The following ADSL variants were observed in gnomAD, a reference collection of about 807,000 sequenced individuals.
ADSL encodes the protein adenylosuccinate lyase, also known as adenylosuccinase.
Under a neutral mutation model 62.1 loss-of-function variants are expected in ADSL, and 44 were observed. The ratio of observed to expected loss-of-function variants is 0.71; its 90% CI spans 0.56 to 0.91. The LOEUF is 0.91. ADSL is among the 40% of genes least tolerant of loss of function. ADSL has a pLI of 0.00. For synonymous variants in ADSL, 198 were observed against 220.5 expected, an observed-to-expected ratio of 0.90 and a Z score of 0.90; for missense variants, 531 against 627.4, an observed-to-expected ratio of 0.85 and a Z score of 1.64.
rs1022948971 is a variant in ADSL at position 40,366,809 on chromosome 22, A to C, written c.*287A>C. 16 of 377,004 alleles carry C rather than the reference A, an allele frequency of 4.2e-5. No individual in the cohort carries two copies. In the Admixed American group the frequency reaches 6.7e-4, roughly 16 times the overall value. The allele number at this position is 377,004 out of a possible 1,614,324, so 23.4% of individuals were successfully genotyped here. ...CAAGTTTAGTCCTTTTCACGTGTTC[A>C]TTTGCTTGTAAAGTAGCAAGAAATT... On this transcript the variant is annotated 3_prime_UTR_variant, in exon 13 of 13. Transcript: ENST00000623063.
intron 4 of ADSL, among the ~76,000 whole-genome samples, chr22:40,357,516 G>GTGCTGGAATTACAGGCA (rs1458504774): frequency 1.3e-5 from 2 of 152,134 alleles, no homozygotes; most frequent in Non-Finnish European, 2.9e-5. Flanking sequence ...GCCTCCCAAA[G>GTGCTGGAATTACAGGCA]TGCTGGAATT....
intron 4 of ADSL, 56 bp from the exon 5 acceptor site, chr22:40,358,808 C>T (rs1569096353): frequency 1.3e-6 from 2 of 1,568,438 alleles, no homozygotes; most frequent in South Asian, 1.1e-5. Context: ...GCAATGAAAC[C>T]TTGATGATTT....
intron 2 of ADSL, among the ~76,000 whole-genome samples, chr22:40,384,834 T>C (rs916507784): frequency 3.3e-5 from 5 of 152,212 alleles, no homozygotes; most frequent in Non-Finnish European, 7.3e-5. Context: ...CAAATGAAGC[T>C]ATCCAACAAT....
intron 1 of ADSL, chr22:40,347,394 G>A (rs1601545304): frequency 6.6e-6 from 1 of 152,220 alleles, no homozygotes; most frequent in African/African-American, 2.4e-5. Flanking sequence ...CTTTTCTAAG[G>A]GCTGCATAGA....
intron 2 of ADSL, among the ~76,000 whole-genome samples, chr22:40,375,311 G>A (rs2046364925): frequency 6.6e-6 from 1 of 152,186 alleles, no homozygotes; most frequent in Non-Finnish European, 1.5e-5. Context: ...CGGTTGTGGT[G>A]GCTCACGCCT....
At chr22:40,376,822 T>C (rs576930542) in intron 2 of ADSL, among the ~76,000 whole-genome samples, 1 of 152,276 alleles carries the variant, frequency 6.6e-6, no homozygotes, top group African/African-American at 2.4e-5. Flanking sequence ...AATAGAGTAG[T>C]TTTGAAGATT....
At chr22:40,353,148 C>T (rs761157290) in intron 3 of ADSL, 31 bp downstream of exon 3, 5 of 1,575,130 alleles carry the variant, frequency 3.2e-6, no homozygotes, top group Non-Finnish European at 4.4e-6. Flanking sequence ...TCCTACCAAC[C>T]CTAGATTCCC....
chr22:40,360,911 G>C (rs952321740), intron 7 of ADSL, among the ~76,000 whole-genome samples: 8 of 152,000 alleles, frequency 5.3e-5, no homozygotes, highest in African/African-American at 9.7e-5. Context: ...ATGTTGGCCA[G>C]GCTGGTCTCG....
rs1190179158 is a variant in ADSL at position 40,368,021 on chromosome 22, C to G, written c.*1499C>G. On this transcript the variant is annotated 3_prime_UTR_variant, in exon 13 of 13. Coordinates refer to ENST00000623063, the MANE Select transcript of ADSL (RefSeq NM_000026.4). ...TTACATTCAATTTTGGATACCCAGT[C>G]TGAGGAATAGAGATGAACTGGAGAG... 6.6e-6 allele frequency: 1 copy of G among 152,166 alleles called. No individual in the cohort carries two copies. Among genetic ancestry groups the G allele is most frequent in the Non-Finnish European group, 1.5e-5 (1 of 68,036 alleles). 9.4% of individuals were successfully genotyped at this position (152,166 alleles called of 1,614,324 possible).
chr22:40,356,689 T>A (rs1302285025), intron 4 of ADSL, among the ~76,000 whole-genome samples: 1 of 147,138 alleles, frequency 6.8e-6, no homozygotes, highest in Non-Finnish European at 1.5e-5. Flanking sequence ...TTAAAAAAAA[T>A]AAAGTTAGCC....
chr22:40,365,374 C>A, intron 12 of ADSL, among the ~76,000 whole-genome samples: 1 of 151,396 alleles, frequency 6.6e-6, no homozygotes, highest in East Asian at 1.9e-4. Context: ...TTGGAATTAT[C>A]TTTTGGTCTT....
chr22:40,370,542 G>A (rs2045193563), downstream of ADSL: 1 of 152,280 alleles, frequency 6.6e-6, no homozygotes, highest in South Asian at 2.1e-4. Flanking sequence ...TAGTGGGCGG[G>A]AACGACTACA....
intron 4 of ADSL, 58 bp downstream of exon 4, chr22:40,354,385 TTC>T: frequency 2.3e-6 from 3 of 1,321,902 alleles, no homozygotes; most frequent in Non-Finnish European, 3.3e-6. Flanking sequence ...GCTTCTTGAG[TTC>T]TCTGTTTTCC....
At position 40,359,246 on chromosome 22, in the gene ADSL, C is replaced by A. The variant is rs2044678141; in HGVS notation, c.655-14C>A. Reference sequence around the variant, plus strand: ...CACATGGATTATTATAAGGATGTGTCTTTTCTTTCCAAGGTAGAGCAGCTT... The same window carrying A: ...CACATGGATTATTATAAGGATGTGTATTTTCTTTCCAAGGTAGAGCAGCTT... On this transcript the variant is annotated splice_polypyrimidine_tract_variant and intron_variant, in intron 5 of 12. Transcript: ENST00000623063. 1.2e-6 allele frequency: 2 copies of A among 1,613,978 alleles called. No homozygotes were observed. Among genetic ancestry groups the A allele is most frequent in the Non-Finnish European group, 1.7e-6 (2 of 1,179,922 alleles).
rs1035961802 is a variant in ADSL, at chr22:40,366,965, C to G, written c.*443C>G. On this transcript the variant is annotated 3_prime_UTR_variant, in exon 13 of 13. Coordinates refer to ENST00000623063, the MANE Select transcript of ADSL (RefSeq NM_000026.4). ...CTAGTATAAGTGATGAAGTTTGGAACTACAGTAAATACTTAAAAAAAAAAA... is the reference window on the plus strand; with the variant it reads ...CTAGTATAAGTGATGAAGTTTGGAAGTACAGTAAATACTTAAAAAAAAAAA... The G allele has an allele frequency of 1.9e-5, 3 of 159,722 alleles. No homozygotes were observed. The highest frequency in any genetic ancestry group is 7.6e-5 in the African/African-American group (3 of 39,486). The allele number at this position is 159,722 out of a possible 1,614,324, so 9.9% of individuals were successfully genotyped here. A position where few individuals can be genotyped will look rare whatever the true frequency, so the allele number is the denominator to read the frequency against.
rs1339757222 is a variant in ADSL, at chr22:40,363,088, C to A, written c.1101+17C>A. ...TACCCCAAAGTAAGAAGCCTCAATTCAAAAGTAAAGTACTAGGGAGGGGTT... is the reference window on the plus strand; with the variant it reads ...TACCCCAAAGTAAGAAGCCTCAATTAAAAAGTAAAGTACTAGGGAGGGGTT... On this transcript the variant is annotated intron_variant, in intron 10 of 12. Coordinates refer to ENST00000623063, the MANE Select transcript of ADSL (RefSeq NM_000026.4). 1 of 1,608,572 alleles carries A rather than the reference C, an allele frequency of 6.2e-7. No individual in the cohort carries two copies.
intron 2 of ADSL, among the ~76,000 whole-genome samples, chr22:40,385,156 C>A (rs146454036): frequency 6.6e-6 from 1 of 152,256 alleles, no homozygotes; most frequent in African/African-American, 2.4e-5. Context: ...GAAATGAAGC[C>A]ATAGGAACTG....
chr22:40,350,110 G>C (rs924801225), intron 2 of ADSL, 75 bp downstream of exon 2: 2 of 1,355,854 alleles, frequency 1.5e-6, no homozygotes, highest in South Asian at 2.4e-5. Flanking sequence ...ATGTTGTCCA[G>C]TTGAGGAAGT....
chr22:40,362,125 A>G (rs549665994), intron 9 of ADSL, among the ~76,000 whole-genome samples: 1 of 152,350 alleles, frequency 6.6e-6, no homozygotes, highest in South Asian at 2.1e-4. Flanking sequence ...AGGCACAATG[A>G]CATCTTGATT....
Sources: allele counts gnomAD v4.1 joint callset (sites outside exome capture counted in the v4.1 genomes callset), GRCh38; gene constraint gnomAD v4.1.1; transcripts MANE v1.5; gene names NCBI Gene and HGNC (gene_info 2026-07-23, HGNC 2026-07-21).